The following HTR2C variants were observed in gnomAD, a reference collection of about 807,000 sequenced individuals.
HTR2C encodes the protein 5-hydroxytryptamine (serotonin) receptor 2C, G protein-coupled.
A neutral mutation model predicts 21.0 loss-of-function variants in HTR2C; 5 were observed. That is an observed-to-expected ratio of 0.24 (90% CI 0.12 to 0.50). The LOEUF is 0.50. Ranked by LOEUF, HTR2C falls within the 20% of genes least tolerant of loss-of-function variation. HTR2C has a pLI of 0.98. For missense variants in HTR2C, 271 were observed against 371.2 expected, an observed-to-expected ratio of 0.73 and a Z score of 2.22; for synonymous variants, 150 against 145.3, an observed-to-expected ratio of 1.03 and a Z score of -0.23.
At chrX:114,745,827 G>C (rs1397145248) in intron 4 of HTR2C, among the ~76,000 whole-genome samples, 1 of 111,541 alleles carries the variant, frequency 9.0e-6, no homozygotes, top group Non-Finnish European at 1.9e-5. Context: ...GGGGGGGATG[G>C]GTGGTAGTGG....
chrX:114,849,628 C>CA (rs782413512), intron 5 of HTR2C, among the ~76,000 whole-genome samples: 90 of 111,351 alleles, frequency 8.1e-4, no homozygotes, highest in African/African-American at 2.6e-3. Flanking sequence ...TCTGGGATCA[C>CA]AAAAAAACCA....
intron 2 of HTR2C, among the ~76,000 whole-genome samples, chrX:114,618,461 CATT>C (rs782339198): frequency 1.8e-5 from 2 of 112,072 alleles, no homozygotes; most frequent in African/African-American, 3.2e-5. Context: ...ATTTTCAAAA[CATT>C]AATATCTTCT....
chrX:114,859,796 A>G (rs1389283555), intron 5 of HTR2C, among the ~76,000 whole-genome samples: 1 of 111,089 alleles, frequency 9.0e-6, no homozygotes, highest in Non-Finnish European at 1.9e-5. Flanking sequence ...GCCTTACTTG[A>G]TTTCTAATAT....
chrX:114,824,927 G>A (rs782762763), intron 4 of HTR2C, among the ~76,000 whole-genome samples: 23 of 111,928 alleles, frequency 2.1e-4, no homozygotes, highest in African/African-American at 7.1e-4. Flanking sequence ...ATACTGTTAT[G>A]TATAATACCC....
intron 4 of HTR2C, among the ~76,000 whole-genome samples, chrX:114,753,216 G>A (rs907926560): frequency 3.6e-5 from 4 of 110,107 alleles, no homozygotes; most frequent in Non-Finnish European, 5.7e-5. Context: ...CAGGAACTTA[G>A]AAAAAGACTC....
At chrX:114,737,312 C>T (rs953686406) in intron 4 of HTR2C, among the ~76,000 whole-genome samples, 1 of 104,816 alleles carries the variant, frequency 9.5e-6, no homozygotes, top group Non-Finnish European at 1.9e-5. Flanking sequence ...CTGCAACTTT[C>T]GCCTCCTGGG....
chrX:114,642,590 A>G (rs906264358), intron 2 of HTR2C, among the ~76,000 whole-genome samples: 1 of 112,035 alleles, frequency 8.9e-6, no homozygotes, highest in African/African-American at 3.2e-5. Context: ...ACACGGGTAG[A>G]TGCCAGTCAG....
At chrX:114,596,194 G>C (rs1198554271) in intron 1 of HTR2C, among the ~76,000 whole-genome samples, 1 of 112,001 alleles carries the variant, frequency 8.9e-6, no homozygotes, top group Non-Finnish European at 1.9e-5. Context: ...AAAATATACT[G>C]TGCATGTGGA....
chrX:114,707,000 A>G (rs959336622), intron 2 of HTR2C, among the ~76,000 whole-genome samples: 5 of 111,600 alleles, frequency 4.5e-5, no homozygotes, highest in Non-Finnish European at 9.4e-5. Flanking sequence ...ATTTTTTCCT[A>G]TAGTTTATTA....
At chrX:114,635,045 A>G (rs923071228) in intron 2 of HTR2C, among the ~76,000 whole-genome samples, 1 of 111,640 alleles carries the variant, frequency 9.0e-6, no homozygotes, top group African/African-American at 3.2e-5. Flanking sequence ...GTTTATGCTT[A>G]TTGCACATGT....
intron 4 of HTR2C, among the ~76,000 whole-genome samples, chrX:114,764,572 A>G (rs1248529955): frequency 8.9e-6 from 1 of 112,066 alleles, no homozygotes; most frequent in African/African-American, 3.2e-5. Flanking sequence ...GTCAAAGCTA[A>G]ATAACAACGG....
intron 2 of HTR2C, among the ~76,000 whole-genome samples, chrX:114,691,978 A>G (rs1932119435): frequency 8.9e-6 from 1 of 111,834 alleles, no homozygotes; most frequent in African/African-American, 3.2e-5. Flanking sequence ...AAAAATAAAT[A>G]TTACATTTCT....
chrX:114,657,362 A>C (rs1281672818), intron 2 of HTR2C, among the ~76,000 whole-genome samples: 1 of 110,824 alleles, frequency 9.0e-6, no homozygotes, highest in Non-Finnish European at 1.9e-5. Flanking sequence ...AATTGCTTGA[A>C]TTGCCTTCAG....
chrX:114,626,560 G>A (rs1929389886), intron 2 of HTR2C, among the ~76,000 whole-genome samples: 1 of 111,626 alleles, frequency 9.0e-6, no homozygotes, highest in Admixed American at 9.5e-5. Context: ...TGTAGTGAAA[G>A]CTTTTCCAAC....
At chrX:114,785,023 A>G (rs964842676) in intron 4 of HTR2C, among the ~76,000 whole-genome samples, 2 of 111,847 alleles carry the variant, frequency 1.8e-5, no homozygotes, top group African/African-American at 6.5e-5. Flanking sequence ...ATTTACCAAT[A>G]AGGTCACATT....
intron 2 of HTR2C, among the ~76,000 whole-genome samples, chrX:114,677,190 T>G (rs1437019768): frequency 9.0e-6 from 1 of 111,511 alleles, no homozygotes; most frequent in Non-Finnish European, 1.9e-5. Context: ...TCAATATAGA[T>G]TTCCTGAGCT....
chrX:114,853,449 T>G (rs1460321328), intron 5 of HTR2C, among the ~76,000 whole-genome samples: 1 of 111,736 alleles, frequency 8.9e-6, no homozygotes, highest in Non-Finnish European at 1.9e-5. Flanking sequence ...TAACTCAGGT[T>G]GGACAATAAA....
intron 5 of HTR2C, among the ~76,000 whole-genome samples, chrX:114,860,346 T>C (rs781802310): frequency 9.0e-6 from 1 of 111,098 alleles, no homozygotes; most frequent in African/African-American, 3.2e-5. Flanking sequence ...ATTGACACTT[T>C]TATAGTTATG....
At chrX:114,625,115 A>C (rs1929325077) in intron 2 of HTR2C, among the ~76,000 whole-genome samples, 1 of 111,559 alleles carries the variant, frequency 9.0e-6, no homozygotes, top group Non-Finnish European at 1.9e-5. Flanking sequence ...TGTTCAAAAG[A>C]GCCTGTCACC....
Sources: allele counts gnomAD v4.1 joint callset (sites outside exome capture counted in the v4.1 genomes callset), GRCh38; gene constraint gnomAD v4.1.1; transcripts MANE v1.5; gene names NCBI Gene and HGNC (gene_info 2026-07-23, HGNC 2026-07-21).